MYO9B: variants seen among roughly 807,000 people sequenced by gnomAD.
MYO9B encodes unconventional myosin-IXb.
MYO9B carries 71 observed loss-of-function variants against 229.5 expected under a neutral mutation model. The observed-to-expected ratio is 0.31, with a 90% CI of 0.26 to 0.38. The LOEUF (loss-of-function observed/expected upper bound fraction) is 0.38. Ranked by LOEUF, MYO9B falls within the 10% of genes least tolerant of loss-of-function variation. The pLI is 1.00. For synonymous variants in MYO9B, 1,185 were observed against 1,235.8 expected, an observed-to-expected ratio of 0.96 and a Z score of 0.86; for missense variants, 2,255 against 2,920.5, an observed-to-expected ratio of 0.77 and a Z score of 5.25.
intron 14 of MYO9B, 66 bp from the exon 15 acceptor site, chr19:17,180,861 G>A (rs933633462): frequency 1.8e-6 from 2 of 1,121,950 alleles, no homozygotes; most frequent in African/African-American, 3.1e-5. Flanking sequence ...GGAACCCCGA[G>A]GTGGCAGGCC....
chr19:17,186,657 C>T (rs775094200), intron 18 of MYO9B, among the ~76,000 whole-genome samples: 7 of 152,108 alleles, frequency 4.6e-5, no homozygotes, highest in Non-Finnish European at 8.8e-5. Flanking sequence ...TGGAGGGTGG[C>T]AGCATCCCTG....
chr19:17,102,359 C>T lies in MYO9B; in HGVS notation c.642C>T (p.His214=), dbSNP rs1003200393. The part of the protein sequence containing the change: ...ENQQLGKLEP[H]VFALADVAYY... ...AGCAGCTGGGCAAGCTGGAGCCACA[C>T]GTCTTCGCGCTGGCCGACGTGGCCT... Residue 214 remains histidine, a synonymous_variant, in exon 2 of 40, where the codon CAC becomes CAT. Transcript: ENST00000682292. 6.6e-5 allele frequency: 107 copies of T among 1,614,040 alleles called. No individual in the cohort carries two copies. Among genetic ancestry groups the T allele is most frequent in the Non-Finnish European group, 8.5e-5 (100 of 1,179,896 alleles).
At chr19:17,107,459 C>T (rs561669170) in intron 2 of MYO9B, among the ~76,000 whole-genome samples, 7 of 152,172 alleles carry the variant, frequency 4.6e-5, no homozygotes, top group Non-Finnish European at 1.0e-4. Context: ...GTTGCTGCCT[C>T]CACAGCGCCA....
chr19:17,145,534 C>G (rs368453151), intron 3 of MYO9B, 43 bp downstream of exon 3: 2 of 1,505,406 alleles, frequency 1.3e-6, no homozygotes, highest in Admixed American at 3.4e-5. Context: ...GCTGGCCCCA[C>G]GCACTGTTGC....
At chr19:17,180,341 ATTTTT>A (rs776734202) in intron 14 of MYO9B, among the ~76,000 whole-genome samples, 2 of 87,982 alleles carry the variant, frequency 2.3e-5, no homozygotes. Flanking sequence ...GATGGAAATA[ATTTTT>A]TTTTTTTTTT....
In MYO9B at chr19:17,154,117, A is replaced by G. The variant is rs181045469; in HGVS notation, c.1098+51A>G. On this transcript the variant is annotated intron_variant, in intron 5 of 39. Coordinates refer to ENST00000682292, the MANE Select transcript of MYO9B (RefSeq NM_004145.4). ...AAACGCCACCTCTGTTCCCGGCCTCAAGCTGTTTATGTATAGCCGGGAAGT... is the reference window on the plus strand; with the variant it reads ...AAACGCCACCTCTGTTCCCGGCCTCGAGCTGTTTATGTATAGCCGGGAAGT... 2.5e-3 allele frequency: 3,923 copies of G among 1,550,634 alleles called. 11 individuals are homozygous for G. Among genetic ancestry groups the G allele is most frequent in the Non-Finnish European group, 2.9e-3 (3,265 of 1,126,584 alleles).
intron 1 of MYO9B, among the ~76,000 whole-genome samples, chr19:17,077,563 G>A (rs2057497615): frequency 6.6e-6 from 1 of 152,204 alleles, no homozygotes; most frequent in African/African-American, 2.4e-5. Context: ...GCCAAGCAGG[G>A]TCTTGTGGGG....
At chr19:17,142,700 A>T (rs965476279) in intron 2 of MYO9B, among the ~76,000 whole-genome samples, 1 of 152,080 alleles carries the variant, frequency 6.6e-6, no homozygotes, top group African/African-American at 2.4e-5. Flanking sequence ...ATAAAACTTC[A>T]TTGATGGACG....
intron 2 of MYO9B, among the ~76,000 whole-genome samples, chr19:17,103,103 T>G (rs1414593082): frequency 1.3e-5 from 2 of 150,196 alleles, no homozygotes; most frequent in Non-Finnish European, 3.0e-5. Flanking sequence ...ACATTTGTTG[T>G]CCCAGCTATT....
chr19:17,197,893 A>C, intron 23 of MYO9B, 35 bp downstream of exon 23: 1 of 1,608,340 alleles, frequency 6.2e-7, no homozygotes, highest in Non-Finnish European at 8.5e-7. Context: ...GTCTCCACTA[A>C]AAATACAAAA....
intron 10 of MYO9B, among the ~76,000 whole-genome samples, chr19:17,165,575 TAA>T (rs533883420): frequency 6.9e-6 from 1 of 144,200 alleles, no homozygotes. Flanking sequence ...ACCCTGTCTC[TAA>T]AAAAAAAAAA....
At chr19:17,108,002 C>T (rs1211674301) in intron 2 of MYO9B, among the ~76,000 whole-genome samples, 2 of 152,212 alleles carry the variant, frequency 1.3e-5, no homozygotes, top group African/African-American at 2.4e-5. Flanking sequence ...CACTTGGTGA[C>T]ATCTTGTGCC....
chr19:17,154,131 T>C (rs2072511663), intron 5 of MYO9B, 65 bp downstream of exon 5: 3 of 1,512,476 alleles, frequency 2.0e-6, no homozygotes, highest in Non-Finnish European at 2.7e-6. Context: ...TGTTTATGTA[T>C]AGCCGGGAAG....
At chr19:17,079,848 G>A (rs375742769) in intron 1 of MYO9B, among the ~76,000 whole-genome samples, 4 of 152,140 alleles carry the variant, frequency 2.6e-5, no homozygotes, top group African/African-American at 7.2e-5. Context: ...GCGGCCTCTC[G>A]GCAAAGCAAG....
In MYO9B at chr19:17,195,226, A is replaced by G; in HGVS notation, c.3799A>G (p.Ser1267Gly). 9.3e-6 allele frequency: 15 copies of G among 1,610,976 alleles called. No individual in the cohort carries two copies. Among genetic ancestry groups the G allele is most frequent in the Non-Finnish European group, 1.3e-5 (15 of 1,179,264 alleles). The change falls in exon 22 of 40, where the codon AGC becomes GGC. Residue 1267 changes from serine (S) to glycine (G), a missense_variant. Physicochemically the swap from Ser to Gly is moderately conservative, Grantham distance 56. Around this residue, in one of 7 missense-constraint regions of MYO9B, gnomAD observed 679 missense variants for 770.2 expected, o/e 0.88. Transcript: ENST00000682292. The surrounding 1 kb of genome is among the most constrained non-coding windows in gnomAD (Gnocchi z 4.5). ...DSRVSPPAPG[S>G]APETPEDKSK... ...CAGGGTCAGCCCACCGGCCCCTGGC[A>G]GCGCCCCCGAGACCCCCGAGGACAA...
At chr19:17,100,448 G>A (rs767831790) in intron 1 of MYO9B, among the ~76,000 whole-genome samples, 1 of 152,226 alleles carries the variant, frequency 6.6e-6, no homozygotes, top group Admixed American at 6.5e-5. Context: ...ACTCTAGCCT[G>A]GGCGACAGCA....
At chr19:17,178,161 G>A (rs2072811983) in intron 14 of MYO9B, among the ~76,000 whole-genome samples, 1 of 152,206 alleles carries the variant, frequency 6.6e-6, no homozygotes, top group Non-Finnish European at 1.5e-5. Flanking sequence ...GGTGACAGGC[G>A]ACCCCTCTGT....
chr19:17,181,152 A>G, intron 15 of MYO9B, 112 bp downstream of exon 15: 1 of 675,076 alleles, frequency 1.5e-6, no homozygotes, highest in Non-Finnish European at 2.5e-6. Flanking sequence ...CTAAAACCAC[A>G]GTGCTGTCTC....
At chr19:17,184,807 C>T in intron 16 of MYO9B, 58 bp from the exon 17 acceptor site, 2 of 1,607,498 alleles carry the variant, frequency 1.2e-6, no homozygotes, top group Non-Finnish European at 1.7e-6. Flanking sequence ...CCTGTGATGC[C>T]TCCCCGTGCC....
Sources: gnomAD v4.1 joint callset for allele counts (sites outside exome capture counted in the v4.1 genomes callset) on GRCh38, gnomAD v4.1.1 for gene constraint, gnomAD v4.1.1 regional missense constraint, Gnocchi (gnomAD v3.1) non-coding constraint, MANE v1.5 for transcripts, NCBI Gene and HGNC (gene_info 2026-07-23, HGNC 2026-07-21) for gene names.